Variants in CRPPA observed in about 807,000 individuals in gnomAD.
CRPPA encodes the protein D-ribitol-5-phosphate cytidylyltransferase.
In CRPPA, 43 loss-of-function variants were observed where a neutral mutation model predicts 52.0. That is an observed-to-expected ratio of 0.83 (90% CI 0.65 to 1.07). The LOEUF (loss-of-function observed/expected upper bound fraction) is 1.07, where lower values mean the gene tolerates loss of function less well. Among genes scored for constraint, CRPPA ranks in the 50% least tolerant of loss-of-function variants. The probability of loss-of-function intolerance (pLI) is 0.00; values close to 1 mark genes in which losing one functional copy is unlikely to be tolerated. For missense variants in CRPPA, 629 were observed against 551.7 expected (o/e 1.14, Z -1.40); for synonymous variants, 250 against 203.5 (o/e 1.23, Z -1.94).
At position 16,281,161 on chromosome 7, in the gene CRPPA, A is replaced by G. The variant is rs529980116; in HGVS notation, c.836-2935T>C. 2.2e-3 allele frequency among the ~76,000 whole-genome samples: 335 copies of G among 152,320 alleles called. 1 individual carries two copies. The highest frequency in any genetic ancestry group is 6.8e-3 in the Middle Eastern group (2 of 294). On this transcript the variant is annotated intron_variant, in intron 5 of 9. Coordinates refer to ENST00000407010, the MANE Select transcript of CRPPA (RefSeq NM_001101426.4). ...CACAAAAACATCTGTTGAGTTTGGT[A>G]TAGAAATGACATCTTTAAAATAACA...
intron 9 of CRPPA, among the ~76,000 whole-genome samples, chr7:16,184,232 C>T (rs574493917): frequency 9.9e-5 from 15 of 152,270 alleles, no homozygotes; most frequent in East Asian, 5.8e-4. Context: ...TGAGCCACCA[C>T]GCCCGGCCTG....
intron 9 of CRPPA, among the ~76,000 whole-genome samples, chr7:16,207,243 TTTTGGAAATCACTTAC>T (rs1781994971): frequency 1.3e-5 from 2 of 152,208 alleles, no homozygotes; most frequent in Non-Finnish European, 2.9e-5. Context: ...TAGCTCCTGA[TTTTGGAAATCACTTAC>T]CTTTGCTCTA....
At chr7:16,174,528 A>C (rs1781255410) in intron 9 of CRPPA, among the ~76,000 whole-genome samples, 1 of 152,170 alleles carries the variant, frequency 6.6e-6, no homozygotes, top group Non-Finnish European at 1.5e-5. Context: ...CTTCCAATTA[A>C]AGAATAATTA....
intron 9 of CRPPA, among the ~76,000 whole-genome samples, chr7:16,102,182 A>G (rs1333088086): frequency 6.6e-6 from 1 of 152,204 alleles, no homozygotes; most frequent in Non-Finnish European, 1.5e-5. Flanking sequence ...TCTTTCACCA[A>G]CCTGACAAAA....
At chr7:16,339,360 T>C (rs545016793) in intron 3 of CRPPA, among the ~76,000 whole-genome samples, 1 of 152,158 alleles carries the variant, frequency 6.6e-6, no homozygotes, top group South Asian at 2.1e-4. Context: ...CCAAGGGGGA[T>C]CTATCTCAGG....
At chr7:16,402,793 G>A (rs547931346) in intron 2 of CRPPA, among the ~76,000 whole-genome samples, 3 of 152,150 alleles carry the variant, frequency 2.0e-5, no homozygotes, top group East Asian at 1.9e-4. Context: ...CATGAGGACT[G>A]GATAAGAGTG....
rs1159895099 is a variant in CRPPA, at chr7:16,089,805, T to G, written c.*1890A>C. ...GATAAATTCTTGTCTGCTGTAGGATTCCTTAAGCTGAAGTCTATGTTAACT... is the reference window on the plus strand; with the variant it reads ...GATAAATTCTTGTCTGCTGTAGGATGCCTTAAGCTGAAGTCTATGTTAACT... On this transcript the variant is annotated 3_prime_UTR_variant, in exon 10 of 10. Coordinates refer to ENST00000407010, the MANE Select transcript of CRPPA (RefSeq NM_001101426.4). The G allele has an allele frequency of 2.9e-5, 5 of 173,430 alleles. No homozygotes were observed. Among genetic ancestry groups the G allele is most frequent in the African/African-American group, 9.5e-5 (4 of 41,914 alleles). The allele number at this position is 173,430 out of a possible 1,614,324, so 10.7% of individuals were successfully genotyped here.
At chr7:16,357,786 G>A (rs897830228) in intron 3 of CRPPA, among the ~76,000 whole-genome samples, 7 of 152,180 alleles carry the variant, frequency 4.6e-5, no homozygotes, top group South Asian at 2.1e-4. Context: ...AGAGATACCC[G>A]AAGTCTGAGG....
At chr7:16,148,393 T>C (rs1490253109) in intron 9 of CRPPA, among the ~76,000 whole-genome samples, 5 of 152,084 alleles carry the variant, frequency 3.3e-5, no homozygotes, top group African/African-American at 7.2e-5. Context: ...CTAAATGTCC[T>C]TCAACAGACG....
chr7:16,172,286 G>A (rs1166156382), intron 9 of CRPPA, among the ~76,000 whole-genome samples: 3 of 152,156 alleles, frequency 2.0e-5, no homozygotes, highest in Non-Finnish European at 4.4e-5. Context: ...GCATCTAGAG[G>A]GGAAAGTGCA....
chr7:16,339,577 A>G (rs1166163224), intron 3 of CRPPA, among the ~76,000 whole-genome samples: 1 of 152,230 alleles, frequency 6.6e-6, no homozygotes, highest in Admixed American at 6.5e-5. Context: ...GAGGAAATCT[A>G]CAGCTATCAT....
In CRPPA at chr7:16,301,432, G is replaced by A. The variant is rs1784787407; in HGVS notation, c.824C>T (p.Ser275Leu). 5.6e-6 allele frequency: 9 copies of A among 1,612,406 alleles called. No homozygotes were observed. The highest frequency in any genetic ancestry group is 2.2e-5 in the South Asian group (2 of 90,710). The change falls in exon 5 of 10, where the codon TCG (serine) becomes TTG (leucine). Residue 275 changes from serine (S) to leucine (L), a missense_variant. Ser to Leu is a moderately radical substitution (Grantham distance 145, BLOSUM62 -2). Coordinates refer to ENST00000407010, the MANE Select transcript of CRPPA (RefSeq NM_001101426.4). Reference protein sequence around the residue: ...TYKRDLYAAESIIKERISQEI... With the variant: ...TYKRDLYAAELIIKERISQEI... ...AAGGCCAAACATACCCTTAATAATC[G>A]ATTCAGCCGCATAGAGATCTCGTTT...
At chr7:16,189,505 T>C (rs1427893952) in intron 9 of CRPPA, among the ~76,000 whole-genome samples, 1 of 152,164 alleles carries the variant, frequency 6.6e-6, no homozygotes, top group Non-Finnish European at 1.5e-5. Flanking sequence ...GAGCAAGAGC[T>C]ACCACATAGC....
intron 9 of CRPPA, among the ~76,000 whole-genome samples, chr7:16,176,115 C>T (rs1781291827): frequency 1.3e-5 from 2 of 152,076 alleles, no homozygotes. Context: ...CTCTATATTC[C>T]ATCTTCTCTA....
At chr7:16,123,144 G>A (rs1782510070) in intron 9 of CRPPA, among the ~76,000 whole-genome samples, 1 of 151,986 alleles carries the variant, frequency 6.6e-6, no homozygotes, top group African/African-American at 2.4e-5. Flanking sequence ...AATCAAAAAA[G>A]CTATGAGAAA....
At chr7:16,398,508 T>C (rs557462456) in intron 2 of CRPPA, among the ~76,000 whole-genome samples, 131 of 152,214 alleles carry the variant, frequency 8.6e-4, no homozygotes, top group African/African-American at 3.0e-3. Flanking sequence ...TGGCACGTGA[T>C]TGGCATAGGT....
At chr7:16,322,845 G>A (rs1457556775) in intron 3 of CRPPA, among the ~76,000 whole-genome samples, 3 of 152,132 alleles carry the variant, frequency 2.0e-5, no homozygotes, top group African/African-American at 2.4e-5. Flanking sequence ...AGGAAAAGAC[G>A]TTTAATTGAC....
At chr7:16,225,243 T>G (rs1258571365) in intron 8 of CRPPA, among the ~76,000 whole-genome samples, 1 of 152,008 alleles carries the variant, frequency 6.6e-6, no homozygotes, top group Non-Finnish European at 1.5e-5. Context: ...AAACTCACAT[T>G]TTAAACAGTT....
intron 9 of CRPPA, among the ~76,000 whole-genome samples, chr7:16,103,359 C>T (rs1051606667): frequency 3.3e-5 from 5 of 151,986 alleles, no homozygotes; most frequent in East Asian, 1.9e-4. Context: ...ATATAGATGA[C>T]GGGTTGATGG....
Sources: allele counts gnomAD v4.1 joint callset (sites outside exome capture counted in the v4.1 genomes callset), GRCh38; gene constraint gnomAD v4.1.1; transcripts MANE v1.5; gene names NCBI Gene and HGNC (gene_info 2026-07-23, HGNC 2026-07-21).